Variants in NLK observed in about 807,000 individuals in gnomAD.
NLK encodes the protein nemo like kinase.
A neutral mutation model predicts 59.0 loss-of-function variants in NLK; 11 were observed. That is an observed-to-expected ratio of 0.19 (90% CI 0.12 to 0.31). NLK has a LOEUF of 0.31. NLK is among the 10% of genes least tolerant of loss of function. The pLI, the probability that NLK is intolerant of heterozygous loss-of-function variation, is 1.00. For synonymous variants in NLK, 235 were observed against 235.9 expected, an observed-to-expected ratio of 1.00 and a Z score of 0.03; for missense variants, 410 against 661.1, an observed-to-expected ratio of 0.62 and a Z score of 4.16.
intron 1 of NLK, among the ~76,000 whole-genome samples, chr17:28,062,881 G>A (rs557378446): frequency 2.6e-5 from 4 of 152,216 alleles, no homozygotes; most frequent in African/African-American, 7.2e-5. Flanking sequence ...GCACCCTGCC[G>A]GGATAAATAA....
intron 7 of NLK, among the ~76,000 whole-genome samples, chr17:28,181,705 A>G (rs1326642615): frequency 6.6e-6 from 1 of 152,132 alleles, no homozygotes; most frequent in Admixed American, 6.5e-5. Context: ...ATCCAGAGTA[A>G]TCTTATCAAG....
intron 1 of NLK, among the ~76,000 whole-genome samples, chr17:28,071,452 T>TA (rs1567705839): frequency 6.6e-6 from 1 of 151,044 alleles, no homozygotes; most frequent in African/African-American, 2.5e-5. Context: ...TTTTTTTTTT[T>TA]AACAGCCTTT....
At chr17:28,052,219 A>G (rs1378078143) in intron 1 of NLK, among the ~76,000 whole-genome samples, 1 of 152,192 alleles carries the variant, frequency 6.6e-6, no homozygotes. Flanking sequence ...TATAAGTCTT[A>G]CAATAGTTTT....
chr17:28,201,386 T>TA, the NLK span, among the ~76,000 whole-genome samples: 1 of 149,890 alleles, frequency 6.7e-6, no homozygotes, highest in Non-Finnish European at 1.5e-5. Context: ...CCTGGTCTTT[T>TA]TTTTTTTTTT....
the NLK span, among the ~76,000 whole-genome samples, chr17:28,203,533 T>A: frequency 2.0e-5 from 3 of 152,070 alleles, no homozygotes; most frequent in African/African-American, 7.2e-5. Flanking sequence ...CTGTTGATCT[T>A]TCTTTCTTTT....
chr17:28,049,464 T>G (rs1481511730), intron 1 of NLK, among the ~76,000 whole-genome samples: 1 of 152,202 alleles, frequency 6.6e-6, no homozygotes, highest in African/African-American at 2.4e-5. Flanking sequence ...TGGGGATATT[T>G]AGTCTTATAA....
At chr17:28,179,753 G>T (rs1908825095) in intron 7 of NLK, among the ~76,000 whole-genome samples, 1 of 151,362 alleles carries the variant, frequency 6.6e-6, no homozygotes, top group Non-Finnish European at 1.5e-5. Context: ...ATCTCTCTAA[G>T]TTGCCTAGTC....
chr17:28,102,543 G>A (rs963644539), intron 1 of NLK, among the ~76,000 whole-genome samples: 1 of 151,886 alleles, frequency 6.6e-6, no homozygotes, highest in Non-Finnish European at 1.5e-5. Context: ...CAGCTATGCG[G>A]GAGGCTGAGG....
At chr17:28,096,268 C>T (rs1486496082) in intron 1 of NLK, among the ~76,000 whole-genome samples, 3 of 152,018 alleles carry the variant, frequency 2.0e-5, no homozygotes, top group African/African-American at 4.8e-5. Context: ...ATTCATAAGT[C>T]CTTGATTCTA....
rs1909441428 is a variant in NLK at position 28,195,131 on chromosome 17, T to G, written c.*495T>G. 2 of 152,382 alleles carry G rather than the reference T, an allele frequency of 1.3e-5. 1 individual carries two copies. The highest frequency in any genetic ancestry group is 4.1e-4 in the South Asian group (2 of 4,822). 9.4% of individuals were successfully genotyped at this position (152,382 alleles called of 1,614,324 possible). On this transcript the variant is annotated 3_prime_UTR_variant, in exon 11 of 11. Coordinates refer to ENST00000407008, the MANE Select transcript of NLK (RefSeq NM_016231.5). ...CGACCAATCATGGAGCCACGTGAGC[T>G]GATCGTGGCTGCACCTGGGGGGAGG...
intron 5 of NLK, 43 bp downstream of exon 5, chr17:28,163,671 G>A (rs1270958148): frequency 8.8e-7 from 1 of 1,130,932 alleles, no homozygotes; most frequent in Non-Finnish European, 1.3e-6. Context: ...AAATCAGAAT[G>A]TCAGGGCAGG....
In NLK at chr17:28,138,371, T is replaced by C. The variant is rs1906848473; in HGVS notation, c.644+5696T>C. 1.3e-5 allele frequency among the ~76,000 whole-genome samples: 2 copies of C among 152,222 alleles called. 1 individual carries two copies. The highest frequency in any genetic ancestry group is 4.1e-4 in the South Asian group (2 of 4,828). ...TGGAGTGTCCGTACACGCTGGTTTG[T>C]TGGGACAGTCTTGGATTTTACTTGA... On this transcript the variant is annotated intron_variant, in intron 3 of 10. Coordinates refer to ENST00000407008, the MANE Select transcript of NLK (RefSeq NM_016231.5).
intron 5 of NLK, among the ~76,000 whole-genome samples, chr17:28,166,355 T>C (rs904851116): frequency 6.6e-6 from 1 of 152,226 alleles, no homozygotes; most frequent in Non-Finnish European, 1.5e-5. Flanking sequence ...TACTGATTCA[T>C]TCCCACATAC....
chr17:28,111,889 T>TGTG (rs1431733639), intron 1 of NLK, among the ~76,000 whole-genome samples: 13 of 119,486 alleles, frequency 1.1e-4, no homozygotes, highest in Middle Eastern at 4.4e-3. Context: ...TGTGTGTGTG[T>TGTG]GTGTGTGGTG....
chr17:28,065,327 G>A (rs1909791252), intron 1 of NLK, among the ~76,000 whole-genome samples: 1 of 151,998 alleles, frequency 6.6e-6, no homozygotes, highest in Non-Finnish European at 1.5e-5. Context: ...GACAGGGGAT[G>A]AGGGAGAAGG....
At chr17:28,201,559 AAGAAAAAAC>A in the NLK span, among the ~76,000 whole-genome samples, 1 of 152,022 alleles carries the variant, frequency 6.6e-6, no homozygotes, top group Non-Finnish European at 1.5e-5. Flanking sequence ...AAGAAAAGAA[AAGAAAAAAC>A]AAACAAAAAC....
At chr17:28,193,114 A>C (rs912592328) in intron 10 of NLK, among the ~76,000 whole-genome samples, 3 of 152,226 alleles carry the variant, frequency 2.0e-5, no homozygotes, top group Admixed American at 6.5e-5. Flanking sequence ...AAACGGGGAA[A>C]ATTCAGTAAT....
At chr17:28,127,931 G>A (rs762778976) in intron 2 of NLK, among the ~76,000 whole-genome samples, 3 of 152,068 alleles carry the variant, frequency 2.0e-5, no homozygotes, top group Non-Finnish European at 2.9e-5. Context: ...ATAGATTAAT[G>A]GAACAGAATA....
chr17:28,098,588 T>C (rs908496935), intron 1 of NLK, among the ~76,000 whole-genome samples: 1 of 152,102 alleles, frequency 6.6e-6, no homozygotes, highest in East Asian at 1.9e-4. Context: ...GATGGATATT[T>C]CATTATTTAA....
Sources: gnomAD v4.1 joint callset for allele counts (sites outside exome capture counted in the v4.1 genomes callset) on GRCh38, gnomAD v4.1.1 for gene constraint, MANE v1.5 for transcripts, NCBI Gene and HGNC (gene_info 2026-07-23, HGNC 2026-07-21) for gene names.